Variants in EPHA5 observed in about 807,000 individuals in gnomAD.
EPHA5 encodes EPH receptor A5.
A neutral mutation model predicts 105.0 loss-of-function variants in EPHA5; 60 were observed. That is an observed-to-expected ratio of 0.57 (90% confidence interval 0.46 to 0.71). The LOEUF is 0.71. EPHA5 is among the 30% of genes least tolerant of loss of function. The pLI, the probability that EPHA5 is intolerant of heterozygous loss-of-function variation, is 0.00. For missense variants in EPHA5, 1,218 were observed against 1,274.7 expected (o/e 0.96, Z 0.68); for synonymous variants, 513 against 449.1 (o/e 1.14, Z -1.80).
At chr4:65,592,855 T>C (rs1050112153) in intron 3 of EPHA5, among the ~76,000 whole-genome samples, 1 of 152,200 alleles carries the variant, frequency 6.6e-6, no homozygotes, top group Admixed American at 6.5e-5. Context: ...TTAAAATGAT[T>C]GTGTTGCACC....
chr4:65,426,368 A>T (rs556066416), intron 5 of EPHA5, among the ~76,000 whole-genome samples: 1 of 152,230 alleles, frequency 6.6e-6, no homozygotes, highest in Admixed American at 6.5e-5. Context: ...CCTTCACTTT[A>T]TTCAAGTCTT....
At chr4:65,400,512 G>A (rs1721711746) in intron 8 of EPHA5, among the ~76,000 whole-genome samples, 1 of 152,026 alleles carries the variant, frequency 6.6e-6, no homozygotes, top group Admixed American at 6.5e-5. Context: ...ATACTTCTTT[G>A]CCATTTTGTT....
intron 5 of EPHA5, among the ~76,000 whole-genome samples, chr4:65,442,780 A>G (rs1726146813): frequency 6.6e-6 from 1 of 152,182 alleles, no homozygotes; most frequent in Admixed American, 6.6e-5. Flanking sequence ...ATTTTTGAAG[A>G]CACTTTATGT....
intron 3 of EPHA5, among the ~76,000 whole-genome samples, chr4:65,589,700 G>A (rs62297685): frequency 0.24 from 36,651 of 151,972 alleles, 5,008 homozygotes; most frequent in East Asian, 0.45. Context: ...AAATAATACA[G>A]GTCAGTCTGG....
chr4:65,505,333 T>C (rs1179590260), intron 3 of EPHA5, among the ~76,000 whole-genome samples: 3 of 152,068 alleles, frequency 2.0e-5, no homozygotes, highest in African/African-American at 7.2e-5. Context: ...ATGCTTGTTT[T>C]ATTGTGTCAT....
Position 65,399,427 on chromosome 4 carries a change from G to A in EPHA5, c.1793+4947C>T, listed in dbSNP as rs553662182. Reference sequence around the variant, plus strand: ...CAAGATGAGTGCAGCCTGCCAGGGCGAGTGGGCAGAACGAGCCTAACAGGC... The same window carrying A: ...CAAGATGAGTGCAGCCTGCCAGGGCAAGTGGGCAGAACGAGCCTAACAGGC... On this transcript the variant is annotated intron_variant, in intron 8 of 16. Transcript: ENST00000613740. 2.0e-3 allele frequency among the ~76,000 whole-genome samples: 298 copies of A among 152,284 alleles called. 3 individuals are homozygous for A. Among genetic ancestry groups the A allele is most frequent in the African/African-American group, 5.9e-3 (245 of 41,552 alleles).
At chr4:65,402,617 C>A (rs939363722) in intron 8 of EPHA5, among the ~76,000 whole-genome samples, 1 of 152,174 alleles carries the variant, frequency 6.6e-6, no homozygotes, top group South Asian at 2.1e-4. Flanking sequence ...CTCCTAAGTG[C>A]ACACACAACA....
intron 2 of EPHA5, among the ~76,000 whole-genome samples, chr4:65,623,679 G>T (rs1162670093): frequency 6.6e-6 from 1 of 152,056 alleles, no homozygotes; most frequent in Non-Finnish European, 1.5e-5. Context: ...CATTAAAAAC[G>T]CTGGAGTCAG....
At position 65,602,293 on chromosome 4, in the gene EPHA5, A is replaced by G. The variant is rs1409744623; in HGVS notation, c.258T>C (p.Ile86=). The G allele has an allele frequency of 5.0e-6, 8 of 1,597,642 alleles. No homozygotes were observed. The highest frequency in any genetic ancestry group is 1.3e-5 in the African/African-American group (1 of 74,470). The change falls in exon 3 of 17, where the codon ATT becomes ATC. Residue 86 remains isoleucine (I), a synonymous_variant. Coordinates refer to ENST00000613740, the MANE Select transcript of EPHA5 (RefSeq NM_001281766.3). ...IAFPKNGWEE[I]GEVDENYAPI... is the part of the protein sequence containing the mutation. ...GGGCATAATTTTCATCCACTTCACC[A>G]ATCTCTTCCCACTGTACAATATAAA...
At chr4:65,397,296 CCT>C (rs1318916961) in intron 8 of EPHA5, among the ~76,000 whole-genome samples, 1 of 152,180 alleles carries the variant, frequency 6.6e-6, no homozygotes, top group Non-Finnish European at 1.5e-5. Context: ...GCTCCCCTCT[CCT>C]CTCTTAGCAA....
At chr4:65,363,353 G>T (rs901767541) in intron 11 of EPHA5, among the ~76,000 whole-genome samples, 1 of 151,482 alleles carries the variant, frequency 6.6e-6, no homozygotes. Flanking sequence ...GGTTCTAAAT[G>T]TTTATGATGT....
chr4:65,388,154 T>A (rs1298915587), intron 8 of EPHA5, among the ~76,000 whole-genome samples: 2 of 150,294 alleles, frequency 1.3e-5, no homozygotes, highest in African/African-American at 4.9e-5. Flanking sequence ...AACTCATCAT[T>A]TTTTATGGCT....
intron 3 of EPHA5, among the ~76,000 whole-genome samples, chr4:65,515,212 T>C (rs1351469930): frequency 6.6e-6 from 1 of 152,166 alleles, no homozygotes; most frequent in Non-Finnish European, 1.5e-5. Context: ...CTTTATCTAT[T>C]ACTTAAAGCT....
intron 8 of EPHA5, among the ~76,000 whole-genome samples, chr4:65,383,574 A>G (rs1341685642): frequency 6.6e-6 from 1 of 151,886 alleles, no homozygotes. Flanking sequence ...AACTATGACT[A>G]TTGTGGAGTT....
chr4:65,458,083 A>C (rs1727779430), intron 5 of EPHA5, among the ~76,000 whole-genome samples: 1 of 151,256 alleles, frequency 6.6e-6, no homozygotes, highest in Admixed American at 6.6e-5. Context: ...CAAAAAAAAA[A>C]AAAAAAAAAA....
intron 14 of EPHA5, among the ~76,000 whole-genome samples, chr4:65,343,684 T>C (rs184952809): frequency 9.9e-4 from 151 of 152,316 alleles, no homozygotes; most frequent in African/African-American, 3.4e-3. Flanking sequence ...GGAAATTTAA[T>C]GCTGTATCTG....
chr4:65,434,630 G>T (rs918491425), intron 5 of EPHA5, among the ~76,000 whole-genome samples: 1 of 151,870 alleles, frequency 6.6e-6, no homozygotes, highest in African/African-American at 2.4e-5. Context: ...TTTTTTAAAT[G>T]CATCCCTTCC....
At chr4:65,393,823 G>T (rs375466677) in intron 8 of EPHA5, among the ~76,000 whole-genome samples, 1 of 152,116 alleles carries the variant, frequency 6.6e-6, no homozygotes, top group Admixed American at 6.6e-5. Flanking sequence ...ACAACATATA[G>T]TGATAATTCT....
chr4:65,446,426 A>G (rs1578135813), intron 5 of EPHA5, among the ~76,000 whole-genome samples: 2 of 152,200 alleles, frequency 1.3e-5, no homozygotes, highest in African/African-American at 4.8e-5. Flanking sequence ...GAAAAGGAAA[A>G]CAAGCAAACT....
Sources: allele counts gnomAD v4.1 joint callset (sites outside exome capture counted in the v4.1 genomes callset), GRCh38; gene constraint gnomAD v4.1.1; transcripts MANE v1.5; gene names NCBI Gene and HGNC (gene_info 2026-07-23, HGNC 2026-07-21).